Variants in PGR observed in about 807,000 individuals in gnomAD.
PGR encodes the protein nuclear receptor subfamily 3 group C member 3.
PGR carries 25 observed loss-of-function variants against 76.1 expected under a neutral mutation model. That is an observed-to-expected ratio of 0.33 (90% CI 0.24 to 0.46). The LOEUF (loss-of-function observed/expected upper bound fraction) is 0.46. Ranked by LOEUF, PGR falls within the 20% of genes least tolerant of loss-of-function variation. The probability of loss-of-function intolerance (pLI) is 1.00; values close to 1 mark genes in which losing one functional copy is unlikely to be tolerated. For synonymous variants in PGR, 579 were observed against 535.0 expected, an observed-to-expected ratio of 1.08 and a Z score of -1.14; for missense variants, 1,172 against 1,225.3, an observed-to-expected ratio of 0.96 and a Z score of 0.65.
intron 7 of PGR, among the ~76,000 whole-genome samples, chr11:101,039,479 G>A (rs1859626163): frequency 6.6e-6 from 1 of 151,672 alleles, no homozygotes; most frequent in African/African-American, 2.4e-5. Flanking sequence ...CTGATATTAT[G>A]GAAAGATTTA....
intron 6 of PGR, among the ~76,000 whole-genome samples, chr11:101,049,592 C>A (rs1271010884): frequency 6.6e-6 from 1 of 152,016 alleles, no homozygotes; most frequent in Non-Finnish European, 1.5e-5. Flanking sequence ...TCTTAGGGAA[C>A]CATTGTATAT....
At chr11:101,039,833 C>T (rs559366757) in intron 7 of PGR, among the ~76,000 whole-genome samples, 15 of 152,148 alleles carry the variant, frequency 9.9e-5, no homozygotes, top group South Asian at 8.3e-4. Context: ...TTCTTCCCAT[C>T]CCTATTCCAG....
intron 3 of PGR, 23 bp from the exon 4 acceptor site, chr11:101,062,775 A>G: frequency 6.5e-7 from 1 of 1,529,844 alleles, no homozygotes; most frequent in South Asian, 1.1e-5. Flanking sequence ...AAAAAAAGAA[A>G]TTCATGTAAA....
At chr11:101,066,391 C>G (rs1009423375) in intron 3 of PGR, among the ~76,000 whole-genome samples, 3 of 152,156 alleles carry the variant, frequency 2.0e-5, no homozygotes, top group Non-Finnish European at 4.4e-5. Context: ...GTCTCTCTGT[C>G]TAGCTCTTTT....
intron 3 of PGR, among the ~76,000 whole-genome samples, chr11:101,065,866 G>T (rs1023421936): frequency 6.6e-6 from 1 of 151,974 alleles, no homozygotes; most frequent in East Asian, 1.9e-4. Context: ...GGTTTTGAGG[G>T]ATTGAATCAG....
chr11:101,067,266 A>G, intron 3 of PGR, among the ~76,000 whole-genome samples: 1 of 152,188 alleles, frequency 6.6e-6, no homozygotes, highest in East Asian at 1.9e-4. Flanking sequence ...GTTTTTATCT[A>G]TCCTATAGAT....
At chr11:101,041,295 C>A (rs1355313682) in intron 7 of PGR, among the ~76,000 whole-genome samples, 1 of 152,144 alleles carries the variant, frequency 6.6e-6, no homozygotes, top group Non-Finnish European at 1.5e-5. Context: ...CCTTCACTGT[C>A]ATTTTAATGT....
rs762007357 is a variant in PGR, at chr11:101,128,319, C to G, written c.752G>C (p.Gly251Ala). ...CCCCGGCGGGACAGCCGCGGCTCCT[C>G]CTCCAGCCGCCGCGCCACCCAGAGC... is the stretch of plus-strand genomic sequence containing the variant. ...PRALGGAAAG[G>A]GAAAVPPGAA... is the part of the protein sequence containing the mutation. The change falls in exon 1 of 8, where the codon GGA (glycine) becomes GCA (alanine). Residue 251 changes from glycine to alanine, a missense_variant. By Grantham distance (60) the Gly-to-Ala change is moderately conservative. Coordinates refer to ENST00000325455, the MANE Select transcript of PGR (RefSeq NM_000926.4). The G allele has an allele frequency of 1.3e-6, 2 of 1,595,012 alleles. No homozygotes were observed. Among genetic ancestry groups the G allele is most frequent in the Non-Finnish European group, 1.7e-6 (2 of 1,176,742 alleles).
At chr11:101,070,997 TG>T (rs1860915357) in intron 3 of PGR, among the ~76,000 whole-genome samples, 1 of 152,158 alleles carries the variant, frequency 6.6e-6, no homozygotes, top group African/African-American at 2.4e-5. Flanking sequence ...CCTCCTCAAG[TG>T]GGTCCCTGAC....
At position 101,035,416 on chromosome 11, in the gene PGR, C is replaced by G. The variant is rs1006475328; in HGVS notation, c.*3700G>C. On this transcript the variant is annotated 3_prime_UTR_variant, in exon 8 of 8. Transcript: ENST00000325455. ...ACTAAAAATGTAATAGCCATCCTTCCAAAGCAATAAAAGACAGATTAAAGC... is the reference window on the plus strand; with the variant it reads ...ACTAAAAATGTAATAGCCATCCTTCGAAAGCAATAAAAGACAGATTAAAGC... The G allele has an allele frequency of 4.3e-6, 1 of 231,218 alleles. No homozygotes were observed. Among genetic ancestry groups the G allele is most frequent in the Non-Finnish European group, 8.6e-6 (1 of 116,884 alleles). The allele number at this position is 231,218 out of a possible 1,614,324, so 14.3% of individuals were successfully genotyped here.
chr11:101,038,920 A>T lies in PGR; in HGVS notation c.*196T>A, dbSNP rs1859602480. 4 of 491,278 alleles carry T rather than the reference A, an allele frequency of 8.1e-6. No homozygotes were observed. In the Admixed American group the frequency reaches 1.5e-4, roughly 18 times the overall value. 30.4% of individuals were successfully genotyped at this position (491,278 alleles called of 1,614,324 possible). A position where few individuals can be genotyped will look rare whatever the true frequency, so the allele number is the denominator to read the frequency against. ...CTTCAAGAAAATATGGGTAAACAAA[A>T]CAGTTAAACATTCTAATTATACTTT... On this transcript the variant is annotated 3_prime_UTR_variant, in exon 8 of 8. Coordinates refer to ENST00000325455, the MANE Select transcript of PGR (RefSeq NM_000926.4).
chr11:101,074,618 C>A (rs1861059595), intron 3 of PGR, among the ~76,000 whole-genome samples: 1 of 152,284 alleles, frequency 6.6e-6, no homozygotes, highest in Middle Eastern at 3.4e-3. Flanking sequence ...TGATAAGCAA[C>A]TTCAGTGAAG....
intron 3 of PGR, among the ~76,000 whole-genome samples, chr11:101,087,930 A>T (rs1396763801): frequency 6.6e-6 from 1 of 152,174 alleles, no homozygotes; most frequent in Non-Finnish European, 1.5e-5. Context: ...CATGCCAGGC[A>T]TGGTGGCTCA....
chr11:101,061,159 T>C (rs1318512154), intron 4 of PGR, among the ~76,000 whole-genome samples: 1 of 152,194 alleles, frequency 6.6e-6, no homozygotes, highest in Non-Finnish European at 1.5e-5. Flanking sequence ...AAAAAGTTCA[T>C]CAATGCTATT....
intron 2 of PGR, among the ~76,000 whole-genome samples, chr11:101,102,781 G>C (rs1862033832): frequency 7.2e-6 from 1 of 138,354 alleles, no homozygotes; most frequent in Admixed American, 8.1e-5. Context: ...AATTTCTCTA[G>C]AACAGCAGTC....
Position 101,127,840 on chromosome 11 carries a change from G to T in PGR, c.1231C>A (p.Pro411Thr), listed in dbSNP as rs1402730866. ...PRSYLVAGAN[P>T]AAFPDFPLGP... ...AACGGGAAATCCGGGAAGGCTGCGG[G>T]GTTGGCACCGGCCACAAGGTAGGAA... The change falls in exon 1 of 8, where the codon CCC (proline) becomes ACC (threonine). Residue 411 changes from proline (P) to threonine (T), a missense_variant. Transcript: ENST00000325455. The T allele has an allele frequency of 1.3e-6, 2 of 1,585,494 alleles. No homozygotes were observed. The highest frequency in any genetic ancestry group is 1.7e-6 in the Non-Finnish European group (2 of 1,172,256).
intron 6 of PGR, among the ~76,000 whole-genome samples, chr11:101,042,686 T>C (rs1202762613): frequency 1.3e-5 from 2 of 152,174 alleles, no homozygotes; most frequent in Non-Finnish European, 2.9e-5. Flanking sequence ...CCAGCCACTT[T>C]GTTACACAGG....
chr11:101,126,241 A>T, intron 1 of PGR, 83 bp from the exon 2 acceptor site: 1 of 1,302,398 alleles, frequency 7.7e-7, no homozygotes, highest in South Asian at 1.2e-5. Context: ...CAGTATTAAC[A>T]GGGTGAAAGG....
At chr11:101,094,402 A>C (rs1861770165) in intron 2 of PGR, among the ~76,000 whole-genome samples, 1 of 151,482 alleles carries the variant, frequency 6.6e-6, no homozygotes. Flanking sequence ...TGTCCCATTG[A>C]TTCATATTTT....
Sources: allele counts gnomAD v4.1 joint callset (sites outside exome capture counted in the v4.1 genomes callset), GRCh38; gene constraint gnomAD v4.1.1; transcripts MANE v1.5; gene names NCBI Gene and HGNC (gene_info 2026-07-23, HGNC 2026-07-21).